PCGF5: variants seen among roughly 807,000 people sequenced by gnomAD.
PCGF5 encodes the protein polycomb group ring finger 5.
In PCGF5, 9 loss-of-function variants were observed where a neutral mutation model predicts 44.3. The ratio of observed to expected loss-of-function variants is 0.20; its 90% CI spans 0.12 to 0.35. The LOEUF (loss-of-function observed/expected upper bound fraction) is 0.35. Ranked by LOEUF, PCGF5 falls within the 10% of genes least tolerant of loss-of-function variation. The pLI, the probability that PCGF5 is intolerant of heterozygous loss-of-function variation, is 1.00. For synonymous variants in PCGF5, 95 were observed against 102.5 expected, an observed-to-expected ratio of 0.93 and a Z score of 0.44; for missense variants, 146 against 305.3, an observed-to-expected ratio of 0.48 and a Z score of 3.89.
intron 1 of PCGF5, among the ~76,000 whole-genome samples, chr10:91,212,057 AT>A (rs1844462682): frequency 6.6e-6 from 1 of 152,196 alleles, no homozygotes; most frequent in African/African-American, 2.4e-5. Context: ...CAATGATTTT[AT>A]TTATCTTACA....
the PCGF5 span, among the ~76,000 whole-genome samples, chr10:91,157,935 A>G: frequency 6.6e-6 from 1 of 152,238 alleles, no homozygotes; most frequent in African/African-American, 2.4e-5. Flanking sequence ...AGTAGAAGGT[A>G]GATTTCAGGA....
At chr10:91,160,128 C>A (rs1843360286), upstream of PCGF5, among the ~76,000 whole-genome samples, 1 of 152,144 alleles carries the variant, frequency 6.6e-6, no homozygotes, top group Non-Finnish European at 1.5e-5. Flanking sequence ...ATTTACTCTT[C>A]CACCAAGAAT....
At chr10:91,187,509 T>TA (rs1347840056) in intron 1 of PCGF5, among the ~76,000 whole-genome samples, 1 of 151,916 alleles carries the variant, frequency 6.6e-6, no homozygotes, top group African/African-American at 2.4e-5. Flanking sequence ...GAAAAACAAA[T>TA]AGTCTTTTCA....
intron 1 of PCGF5, among the ~76,000 whole-genome samples, chr10:91,168,864 G>A (rs913056955): frequency 6.9e-6 from 1 of 145,880 alleles, no homozygotes; most frequent in Non-Finnish European, 1.5e-5. Context: ...GGAGGCGGAG[G>A]TTGCAGTGAG....
In PCGF5 at chr10:91,222,947, A is replaced by G; in HGVS notation, c.76A>G (p.Ile26Val). 1.2e-6 allele frequency: 2 copies of G among 1,611,700 alleles called. No homozygotes were observed. The highest frequency in any genetic ancestry group is 1.7e-6 in the Non-Finnish European group (2 of 1,177,768). ...CTGCTATATCTGTAAAGGGTATCTG[A>G]TCAAGCCAACAACAGTGACGGAATG... ...ITCYICKGYL[I>V]KPTTVTECLH... Residue 26 changes from isoleucine (I) to valine (V), a missense_variant, in exon 2 of 10, where the codon ATC becomes GTC. By Grantham distance (29) the Ile-to-Val change is conservative. This residue lies in a region of PCGF5 where 123 missense variants were observed against 268.6 expected (regional missense o/e 0.46). Transcript: ENST00000336126.
intron 1 of PCGF5, among the ~76,000 whole-genome samples, chr10:91,179,598 C>T (rs1485526554): frequency 1.3e-5 from 2 of 152,120 alleles, no homozygotes; most frequent in South Asian, 2.1e-4. Context: ...CAACATGTGG[C>T]GTTTGGTATT....
intron 1 of PCGF5, among the ~76,000 whole-genome samples, chr10:91,168,166 T>G (rs1285904215): frequency 6.6e-6 from 1 of 152,140 alleles, no homozygotes; most frequent in East Asian, 1.9e-4. Context: ...GGCATCCTTA[T>G]GGAGGGGGAT....
At chr10:91,253,960 T>C (rs1845683845) in intron 6 of PCGF5, among the ~76,000 whole-genome samples, 1 of 152,012 alleles carries the variant, frequency 6.6e-6, no homozygotes, top group East Asian at 1.9e-4. Flanking sequence ...CTTACAGAAA[T>C]TGATGGCCAG....
In PCGF5 at chr10:91,283,293, T is replaced by A. The variant is rs535781859; in HGVS notation, c.*4977T>A. 3 of 152,334 alleles carry A rather than the reference T, an allele frequency of 2.0e-5. No individual in the cohort carries two copies. The South Asian group carries it at 6.2e-4, about 32-fold the overall frequency. The allele number at this position is 152,334 out of a possible 1,614,324, so 9.4% of individuals were successfully genotyped here. A position where few individuals can be genotyped will look rare whatever the true frequency, so the allele number is the denominator to read the frequency against. ...GTTATAAAATTAAAAATAATTATTT[T>A]AAATGCTCATTCAAATGTGTCTGTA... is the stretch of plus-strand genomic sequence containing the variant. On this transcript the variant is annotated 3_prime_UTR_variant, in exon 10 of 10. Coordinates refer to ENST00000336126, the MANE Select transcript of PCGF5 (RefSeq NM_032373.5).
At chr10:91,229,958 G>C (rs946977258) in intron 2 of PCGF5, among the ~76,000 whole-genome samples, 8 of 152,048 alleles carry the variant, frequency 5.3e-5, no homozygotes, top group African/African-American at 1.9e-4. Flanking sequence ...TCATGAAAAT[G>C]ATTATAATGT....
chr10:91,203,961 G>T (rs541818436), intron 1 of PCGF5, among the ~76,000 whole-genome samples: 1 of 152,224 alleles, frequency 6.6e-6, no homozygotes, highest in Non-Finnish European at 1.5e-5. Context: ...ACACTTTTAT[G>T]CAGTTTTCAT....
At chr10:91,254,770 AT>A (rs1845706878) in intron 6 of PCGF5, among the ~76,000 whole-genome samples, 2 of 152,240 alleles carry the variant, frequency 1.3e-5, no homozygotes, top group African/African-American at 4.8e-5. Flanking sequence ...ATCTCTGAAA[AT>A]TCACTTTTCC....
intron 2 of PCGF5, among the ~76,000 whole-genome samples, chr10:91,237,742 TAAA>T (rs11402069): frequency 7.0e-6 from 1 of 143,868 alleles, no homozygotes; most frequent in African/African-American, 2.5e-5. Flanking sequence ...AGAATCCATC[TAAA>T]AAAAAAAAAA....
chr10:91,242,791 C>T (rs1216307625), intron 3 of PCGF5, among the ~76,000 whole-genome samples: 2 of 151,814 alleles, frequency 1.3e-5, no homozygotes, highest in African/African-American at 4.8e-5. Flanking sequence ...GTGTCATGGC[C>T]CCTTACTCTT....
chr10:91,178,421 G>T (rs1843753484), intron 1 of PCGF5, among the ~76,000 whole-genome samples: 1 of 146,710 alleles, frequency 6.8e-6, no homozygotes, highest in African/African-American at 2.5e-5. Flanking sequence ...ATAGGGTCTT[G>T]CTCTGTTGCC....
At chr10:91,187,521 TA>T (rs766132214) in intron 1 of PCGF5, among the ~76,000 whole-genome samples, 1 of 151,658 alleles carries the variant, frequency 6.6e-6, no homozygotes, top group African/African-American at 2.4e-5. Context: ...GTCTTTTCAT[TA>T]AAAAAAACAA....
intron 1 of PCGF5, among the ~76,000 whole-genome samples, chr10:91,199,679 A>C (rs1844212323): frequency 6.6e-6 from 1 of 152,250 alleles, no homozygotes; most frequent in South Asian, 2.1e-4. Flanking sequence ...TTTTAGTTTA[A>C]TACTGAAATT....
At chr10:91,183,336 A>G (rs1414760152) in intron 1 of PCGF5, among the ~76,000 whole-genome samples, 1 of 151,796 alleles carries the variant, frequency 6.6e-6, no homozygotes, top group Non-Finnish European at 1.5e-5. Context: ...ACCCTTTACC[A>G]TTATGTAATG....
intron 2 of PCGF5, among the ~76,000 whole-genome samples, chr10:91,235,755 C>T (rs1845143962): frequency 6.6e-6 from 1 of 152,128 alleles, no homozygotes; most frequent in South Asian, 2.1e-4. Flanking sequence ...AGAGGAGTTC[C>T]CTTGCACAAA....
Sources: allele counts gnomAD v4.1 joint callset (sites outside exome capture counted in the v4.1 genomes callset), GRCh38; gene constraint gnomAD v4.1.1; regional missense constraint gnomAD v4.1.1; transcripts MANE v1.5; gene names NCBI Gene and HGNC (gene_info 2026-07-23, HGNC 2026-07-21).